ADGRB3: variants seen among roughly 807,000 people sequenced by gnomAD.
The protein encoded by ADGRB3 is brain-specific angiogenesis inhibitor 3.
A neutral mutation model predicts 193.4 loss-of-function variants in ADGRB3; 37 were observed. That is an observed-to-expected ratio of 0.19 (90% confidence interval 0.15 to 0.25). The LOEUF is 0.25. Among genes scored for constraint, ADGRB3 ranks in the 10% least tolerant of loss-of-function variants. The pLI, the probability that ADGRB3 is intolerant of heterozygous loss-of-function variation, is 1.00. For synonymous variants in ADGRB3, 690 were observed against 644.2 expected (o/e 1.07, Z -1.08); for missense variants, 1,637 against 1,852.9 (o/e 0.88, Z 2.14).
chr6:68,974,869 A>T lies in ADGRB3; in HGVS notation c.1627+5A>T. The T allele has an allele frequency of 6.2e-7, 1 of 1,612,276 alleles. No homozygotes were observed. The highest frequency in any genetic ancestry group is 8.5e-7 in the Non-Finnish European group (1 of 1,178,444). Reference sequence around the variant, plus strand: ...AATGTCCCCTGAATGCCACAGGTACAGTAGGATGACCCACCCAAACCCTAG... The same window carrying T: ...AATGTCCCCTGAATGCCACAGGTACTGTAGGATGACCCACCCAAACCCTAG... On this transcript the variant is annotated splice_donor_5th_base_variant and intron_variant, in intron 9 of 31. Transcript: ENST00000370598.
At chr6:68,965,060 A>G (rs1376518856) in intron 8 of ADGRB3, among the ~76,000 whole-genome samples, 1 of 152,194 alleles carries the variant, frequency 6.6e-6, no homozygotes, top group African/African-American at 2.4e-5. Context: ...GAGAATAACA[A>G]TTCTGTTCAC....
At chr6:68,922,280 C>T (rs1767064799) in intron 3 of ADGRB3, among the ~76,000 whole-genome samples, 1 of 152,080 alleles carries the variant, frequency 6.6e-6, no homozygotes, top group African/African-American at 2.4e-5. Flanking sequence ...TTCCCAAATG[C>T]CTTTGATAAA....
intron 20 of ADGRB3, among the ~76,000 whole-genome samples, chr6:69,307,232 C>T (rs180763751): frequency 6.6e-6 from 1 of 151,404 alleles, no homozygotes; most frequent in Non-Finnish European, 1.5e-5. Flanking sequence ...TCATTGTCTT[C>T]TATAAAGTTA....
intron 3 of ADGRB3, among the ~76,000 whole-genome samples, chr6:68,749,406 ATATGTGTGTGTG>A (rs1766148761): frequency 2.0e-5 from 2 of 101,074 alleles, no homozygotes; most frequent in African/African-American, 7.9e-5. Flanking sequence ...ATATATATAT[ATATGTGTGTGTG>A]TGTGTGTGTG....
chr6:68,887,924 C>G (rs2150227749), intron 3 of ADGRB3, among the ~76,000 whole-genome samples: 1 of 152,258 alleles, frequency 6.6e-6, no homozygotes, highest in South Asian at 2.1e-4. Context: ...AACCCAAAAT[C>G]CCCACTCACA....
intron 17 of ADGRB3, among the ~76,000 whole-genome samples, chr6:69,084,310 A>G (rs557502863): frequency 1.3e-5 from 2 of 152,324 alleles, no homozygotes; most frequent in East Asian, 3.9e-4. Flanking sequence ...GGCCAAAGAG[A>G]TCTTTATTTA....
intron 3 of ADGRB3, among the ~76,000 whole-genome samples, chr6:68,886,936 A>G (rs1386720611): frequency 6.6e-6 from 1 of 151,910 alleles, no homozygotes; most frequent in East Asian, 1.9e-4. Context: ...TGAAAGTTCT[A>G]GTAACCTTCT....
At chr6:69,052,771 G>T (rs970881743) in intron 15 of ADGRB3, among the ~76,000 whole-genome samples, 1 of 152,142 alleles carries the variant, frequency 6.6e-6, no homozygotes, top group Non-Finnish European at 1.5e-5. Context: ...CCCTTTTAAA[G>T]TTAAGTAGGT....
At chr6:68,739,440 C>T (rs1466545491) in intron 3 of ADGRB3, among the ~76,000 whole-genome samples, 1 of 151,972 alleles carries the variant, frequency 6.6e-6, no homozygotes, top group African/African-American at 2.4e-5. Flanking sequence ...AGAATAAGAG[C>T]TTGTCTTTAG....
chr6:69,388,344 C>T (rs918099295), intron 31 of ADGRB3, among the ~76,000 whole-genome samples: 3 of 152,106 alleles, frequency 2.0e-5, no homozygotes, highest in African/African-American at 7.2e-5. Flanking sequence ...ACAATACTTA[C>T]ATTTTCTACA....
intron 3 of ADGRB3, among the ~76,000 whole-genome samples, chr6:68,773,434 A>G (rs1410395322): frequency 6.6e-6 from 1 of 152,184 alleles, no homozygotes; most frequent in Non-Finnish European, 1.5e-5. Flanking sequence ...AATGATACTC[A>G]GTTCATAAAC....
At chr6:68,972,256 G>C (rs1209086949) in intron 8 of ADGRB3, among the ~76,000 whole-genome samples, 2 of 152,066 alleles carry the variant, frequency 1.3e-5, no homozygotes, top group Non-Finnish European at 2.9e-5. Context: ...TTTGATTTAT[G>C]ATAGGTCCTC....
intron 13 of ADGRB3, among the ~76,000 whole-genome samples, chr6:69,036,949 G>T (rs566154101): frequency 1.3e-5 from 2 of 152,238 alleles, no homozygotes; most frequent in Non-Finnish European, 2.9e-5. Flanking sequence ...ATGAGAGAAA[G>T]AATTTAGGGG....
chr6:68,785,792 A>G (rs1341518191), intron 3 of ADGRB3, among the ~76,000 whole-genome samples: 2 of 152,094 alleles, frequency 1.3e-5, no homozygotes, highest in East Asian at 1.9e-4. Context: ...AAGTGTTCCT[A>G]TATCTCTACA....
At chr6:68,885,130 A>G (rs1234287400) in intron 3 of ADGRB3, among the ~76,000 whole-genome samples, 1 of 152,208 alleles carries the variant, frequency 6.6e-6, no homozygotes, top group Non-Finnish European at 1.5e-5. Context: ...AGAGGTCCCC[A>G]GTGGTCAGGG....
At chr6:69,184,730 A>T (rs1765033520) in intron 17 of ADGRB3, among the ~76,000 whole-genome samples, 1 of 152,162 alleles carries the variant, frequency 6.6e-6, no homozygotes, top group Non-Finnish European at 1.5e-5. Flanking sequence ...GCCCAAAAGA[A>T]AACCTCCTAA....
At chr6:69,346,824 A>G (rs1769099096) in intron 26 of ADGRB3, among the ~76,000 whole-genome samples, 1 of 152,190 alleles carries the variant, frequency 6.6e-6, no homozygotes, top group Admixed American at 6.5e-5. Context: ...AACCAGAAAT[A>G]CCATTTGACC....
intron 17 of ADGRB3, among the ~76,000 whole-genome samples, chr6:69,222,339 G>A (rs568254097): frequency 2.2e-4 from 33 of 152,004 alleles, no homozygotes; most frequent in South Asian, 4.1e-4. Flanking sequence ...ATAATTGTCC[G>A]GGATATTCAT....
At chr6:69,146,067 C>T (rs1409228828) in intron 17 of ADGRB3, among the ~76,000 whole-genome samples, 1 of 152,150 alleles carries the variant, frequency 6.6e-6, no homozygotes, top group Non-Finnish European at 1.5e-5. Context: ...CAGGGACCCT[C>T]CCTTTTCTGC....
Sources: allele counts gnomAD v4.1 joint callset (sites outside exome capture counted in the v4.1 genomes callset), GRCh38; gene constraint gnomAD v4.1.1; transcripts MANE v1.5; gene names NCBI Gene and HGNC (gene_info 2026-07-23, HGNC 2026-07-21).